PCDH9: variants seen among roughly 807,000 people sequenced by gnomAD.
PCDH9 encodes the protein protocadherin-9.
In PCDH9, 24 loss-of-function variants were observed where a neutral mutation model predicts 70.6. That is an observed-to-expected ratio of 0.34 (90% confidence interval 0.25 to 0.48). The LOEUF (loss-of-function observed/expected upper bound fraction) is 0.48, where lower values mean the gene tolerates loss of function less well. PCDH9 is among the 20% of genes least tolerant of loss of function. The pLI is 0.99. For missense variants in PCDH9, 1,281 were observed against 1,503.6 expected, an observed-to-expected ratio of 0.85 and a Z score of 2.45; for synonymous variants, 562 against 558.5, an observed-to-expected ratio of 1.01 and a Z score of -0.09.
At chr13:66,389,758 A>T (rs893575221) in intron 4 of PCDH9, among the ~76,000 whole-genome samples, 3 of 152,160 alleles carry the variant, frequency 2.0e-5, no homozygotes, top group African/African-American at 7.2e-5. Flanking sequence ...GGCTTCCTAA[A>T]CGCTAATCTT....
At chr13:67,146,394 T>C (rs2087524377) in intron 2 of PCDH9, among the ~76,000 whole-genome samples, 1 of 152,176 alleles carries the variant, frequency 6.6e-6, no homozygotes, top group Non-Finnish European at 1.5e-5. Context: ...ATATCACATA[T>C]ATATCATTTC....
intron 4 of PCDH9, among the ~76,000 whole-genome samples, chr13:66,453,570 T>C (rs1186518640): frequency 1.3e-5 from 2 of 152,186 alleles, no homozygotes; most frequent in African/African-American, 4.8e-5. Context: ...TGTGCTAGCA[T>C]AAACACTCTT....
At chr13:66,821,960 C>T (rs1010608722) in intron 3 of PCDH9, among the ~76,000 whole-genome samples, 2 of 152,080 alleles carry the variant, frequency 1.3e-5, no homozygotes, top group Non-Finnish European at 2.9e-5. Context: ...TCTATATGAA[C>T]ATTGCTTTTG....
intron 4 of PCDH9, among the ~76,000 whole-genome samples, chr13:66,531,952 G>A (rs888661166): frequency 6.6e-6 from 1 of 151,942 alleles, no homozygotes; most frequent in Non-Finnish European, 1.5e-5. Context: ...TCTAATTGCT[G>A]CTTGCATTCT....
chr13:66,585,515 A>G (rs557967931), intron 4 of PCDH9, among the ~76,000 whole-genome samples: 1 of 152,256 alleles, frequency 6.6e-6, no homozygotes, highest in Admixed American at 6.5e-5. Context: ...TTTAAAGTAA[A>G]ATATGTTGCT....
intron 4 of PCDH9, among the ~76,000 whole-genome samples, chr13:66,475,865 T>G (rs1958717096): frequency 6.6e-6 from 1 of 152,114 alleles, no homozygotes; most frequent in Non-Finnish European, 1.5e-5. Flanking sequence ...ACCATATCTC[T>G]TCTACCTATC....
intron 4 of PCDH9, among the ~76,000 whole-genome samples, chr13:66,625,164 CTAT>C (rs2138915539): frequency 6.6e-6 from 1 of 152,224 alleles, no homozygotes; most frequent in African/African-American, 2.4e-5. Flanking sequence ...AAATACAATT[CTAT>C]TATTATTTCT....
At chr13:66,775,034 T>C (rs959041812) in intron 3 of PCDH9, among the ~76,000 whole-genome samples, 1 of 152,328 alleles carries the variant, frequency 6.6e-6, no homozygotes, top group East Asian at 1.9e-4. Context: ...TCCCATTTTT[T>C]ATGCTGATTA....
chr13:66,661,569 A>C (rs1026166203), intron 3 of PCDH9, among the ~76,000 whole-genome samples: 1 of 152,216 alleles, frequency 6.6e-6, no homozygotes, highest in African/African-American at 2.4e-5. Context: ...GTCATAGTTG[A>C]ATCAATCCTT....
chr13:67,102,785 C>T (rs2086461159), intron 2 of PCDH9, among the ~76,000 whole-genome samples: 1 of 152,090 alleles, frequency 6.6e-6, no homozygotes, highest in Non-Finnish European at 1.5e-5. Context: ...GAATATGTTA[C>T]AGATACTACT....
chr13:67,207,117 A>T (rs951825955), intron 2 of PCDH9: 5 of 151,148 alleles, frequency 3.3e-5, no homozygotes, highest in Non-Finnish European at 7.4e-5. Flanking sequence ...CTATGTGCTC[A>T]GTGGCAAAAT....
At chr13:67,079,571 A>G (rs972794164) in intron 2 of PCDH9, among the ~76,000 whole-genome samples, 3 of 152,204 alleles carry the variant, frequency 2.0e-5, no homozygotes, top group Admixed American at 6.5e-5. Context: ...ATTTTATACC[A>G]AAATATATTT....
rs971883483 is a variant in PCDH9, at chr13:66,568,672, C to CAA, written c.3340+62536_3340+62537dup. Among the ~76,000 whole-genome samples, 43 of 124,526 alleles carry CAA rather than the reference C, an allele frequency of 3.5e-4. 1 individual carries two copies. In the South Asian group the frequency reaches 0.011, roughly 31 times the overall value. The allele number at this position is 124,526 out of a possible 152,430, so 81.7% of individuals were successfully genotyped here. A position where few individuals can be genotyped will look rare whatever the true frequency, so the allele number is the denominator to read the frequency against. On this transcript the variant is annotated intron_variant, in intron 4 of 4. Transcript: ENST00000377865. ...GAATGACAGGGGAAAAACCCTGTCT[C>CAA]AAAAAAAAAAAAGAAAATGATTTGC...
intron 4 of PCDH9, among the ~76,000 whole-genome samples, chr13:66,543,904 A>C (rs1318737942): frequency 6.6e-6 from 1 of 152,172 alleles, no homozygotes; most frequent in African/African-American, 2.4e-5. Context: ...TAACGGGGAC[A>C]CAGCCAACTT....
At chr13:66,603,463 A>C (rs1054917908) in intron 4 of PCDH9, among the ~76,000 whole-genome samples, 2 of 151,990 alleles carry the variant, frequency 1.3e-5, no homozygotes, top group African/African-American at 4.8e-5. Flanking sequence ...AAGTATAGTG[A>C]TATTTAGTCT....
intron 4 of PCDH9, among the ~76,000 whole-genome samples, chr13:66,623,199 C>T (rs1163969261): frequency 6.6e-6 from 1 of 152,264 alleles, no homozygotes; most frequent in Non-Finnish European, 1.5e-5. Flanking sequence ...TCCGGACACA[C>T]TATCAGCCGA....
chr13:66,759,619 T>C (rs1199674268), intron 3 of PCDH9, among the ~76,000 whole-genome samples: 3 of 136,948 alleles, frequency 2.2e-5, no homozygotes, highest in African/African-American at 8.3e-5. Flanking sequence ...ATACCTCTAG[T>C]AACAGTGCTT....
chr13:66,541,917 A>G (rs1302328952), intron 4 of PCDH9, among the ~76,000 whole-genome samples: 1 of 152,118 alleles, frequency 6.6e-6, no homozygotes, highest in African/African-American at 2.4e-5. Flanking sequence ...TAAATTGATT[A>G]CTGTTTTCCT....
chr13:66,986,131 C>T (rs2083887515), intron 2 of PCDH9, among the ~76,000 whole-genome samples: 1 of 151,898 alleles, frequency 6.6e-6, no homozygotes, highest in Admixed American at 6.6e-5. Flanking sequence ...GGGAAGCAAA[C>T]ATGTCTTCTT....
Sources: allele counts gnomAD v4.1 joint callset (sites outside exome capture counted in the v4.1 genomes callset), GRCh38; gene constraint gnomAD v4.1.1; transcripts MANE v1.5; gene names NCBI Gene and HGNC (gene_info 2026-07-23, HGNC 2026-07-21).